Variants in WDR59 observed in about 807,000 individuals in gnomAD.
The protein encoded by WDR59 is GATOR2 complex protein WDR59.
A neutral mutation model predicts 131.2 loss-of-function variants in WDR59; 100 were observed. The ratio of observed to expected loss-of-function variants is 0.76; its 90% CI spans 0.65 to 0.90. WDR59 has a LOEUF of 0.90. Ranked by LOEUF, WDR59 falls within the 40% of genes least tolerant of loss-of-function variation. The pLI is 0.00. For missense variants in WDR59, 1,203 were observed against 1,262.2 expected, an observed-to-expected ratio of 0.95 and a Z score of 0.71; for synonymous variants, 601 against 466.2, an observed-to-expected ratio of 1.29 and a Z score of -3.72.
intron 20 of WDR59, 146 bp from the exon 21 acceptor site, chr16:74,889,961 G>GT (rs2144815303): frequency 1.7e-6 from 1 of 588,426 alleles, no homozygotes; most frequent in East Asian, 2.8e-5. Context: ...AAATGCATAA[G>GT]TTTAGGCCCC....
intron 21 of WDR59, among the ~76,000 whole-genome samples, chr16:74,888,705 G>T (rs896029928): frequency 2.0e-5 from 3 of 152,062 alleles, no homozygotes; most frequent in Admixed American, 1.3e-4. Context: ...GCTTTTGGGG[G>T]ATTCCCACAC....
intron 8 of WDR59, among the ~76,000 whole-genome samples, chr16:74,936,275 C>T (rs1440038439): frequency 6.6e-6 from 1 of 151,946 alleles, no homozygotes; most frequent in African/African-American, 2.4e-5. Context: ...TTGACCAAGG[C>T]TCTTCTGATA....
At chr16:74,943,115 G>A (rs997477870) in intron 6 of WDR59, among the ~76,000 whole-genome samples, 4 of 152,184 alleles carry the variant, frequency 2.6e-5, no homozygotes, top group African/African-American at 9.7e-5. Context: ...TTCTTACAGA[G>A]CAGTAGTTGA....
At position 74,956,456 on chromosome 16, in the gene WDR59, A is replaced by G. The variant is rs559308734; in HGVS notation, c.240+19T>C. 2 of 1,612,702 alleles carry G rather than the reference A, an allele frequency of 1.2e-6. No homozygotes were observed. Among genetic ancestry groups the G allele is most frequent in the South Asian group, 1.1e-5 (1 of 90,880 alleles). ...GACACATTTAACAGCATTCTCCTGTATTCCTTAAATAAGCTCACCGAAGCC... is the reference window on the plus strand; with the variant it reads ...GACACATTTAACAGCATTCTCCTGTGTTCCTTAAATAAGCTCACCGAAGCC... On this transcript the variant is annotated intron_variant, in intron 3 of 25. Transcript: ENST00000262144.
intron 2 of WDR59, among the ~76,000 whole-genome samples, chr16:74,958,800 C>T (rs903078602): frequency 6.6e-6 from 1 of 151,014 alleles, no homozygotes; most frequent in East Asian, 2.0e-4. Flanking sequence ...CAGTGGCCCA[C>T]GCCTATAATC....
At chr16:74,933,690 G>A (rs935496501) in intron 8 of WDR59, among the ~76,000 whole-genome samples, 3 of 152,098 alleles carry the variant, frequency 2.0e-5, no homozygotes, top group Admixed American at 1.3e-4. Flanking sequence ...AGGTTCAAGC[G>A]ATTCTCCTGC....
At chr16:74,875,522 C>T (rs1309341570) in intron 25 of WDR59, among the ~76,000 whole-genome samples, 2 of 151,768 alleles carry the variant, frequency 1.3e-5, no homozygotes, top group Non-Finnish European at 2.9e-5. Flanking sequence ...TCAATTTTCT[C>T]TCTACCCCAG....
chr16:74,896,131 G>T (rs1426212649), intron 18 of WDR59, among the ~76,000 whole-genome samples: 2 of 152,050 alleles, frequency 1.3e-5, no homozygotes, highest in Non-Finnish European at 2.9e-5. Context: ...ACCTAGAATG[G>T]AATATGATCC....
chr16:74,887,870 C>T (rs1964844580), intron 22 of WDR59, 115 bp from the exon 23 acceptor site: 5 of 1,115,092 alleles, frequency 4.5e-6, no homozygotes, highest in Admixed American at 2.1e-5. Flanking sequence ...GTAATCCTAG[C>T]AGTTTGGGAG....
intron 7 of WDR59, among the ~76,000 whole-genome samples, chr16:74,941,198 G>A (rs2032191864): frequency 6.6e-6 from 1 of 151,646 alleles, no homozygotes; most frequent in Non-Finnish European, 1.5e-5. Context: ...TTAATTGGCT[G>A]GGTGTGGTGG....
At chr16:74,917,638 G>A (rs951999494) in intron 11 of WDR59, among the ~76,000 whole-genome samples, 8 of 151,746 alleles carry the variant, frequency 5.3e-5, no homozygotes, top group African/African-American at 1.9e-4. Context: ...GTGAAACCCC[G>A]TCTCTACTAA....
At position 74,922,044 on chromosome 16, in the gene WDR59, A is replaced by T; in HGVS notation, c.789T>A (p.Leu263=). 6.2e-7 allele frequency: 1 copy of T among 1,614,208 alleles called. No homozygotes were observed. Among genetic ancestry groups the T allele is most frequent in the Non-Finnish European group, 8.5e-7 (1 of 1,180,042 alleles). Residue 263 remains leucine (L), a synonymous_variant, in exon 10 of 26, where the codon CTT becomes CTA. Transcript: ENST00000262144. Reference sequence around the variant, plus strand: ...TCAAGTCAAAGACATTCCACAGGAGAAGGCTGTTTTCCCTCCGCAGCTGGG... The same window carrying T: ...TCAAGTCAAAGACATTCCACAGGAGTAGGCTGTTTTCCCTCCGCAGCTGGG... ...MVPQLRRENS[L]LLWNVFDLNT...
At chr16:74,936,392 A>G (rs1350450729) in intron 8 of WDR59, among the ~76,000 whole-genome samples, 1 of 152,116 alleles carries the variant, frequency 6.6e-6, no homozygotes, top group Non-Finnish European at 1.5e-5. Flanking sequence ...TTTATTACCT[A>G]GGAAACCCCA....
Position 74,888,228 on chromosome 16 carries a change from T to C in WDR59, c.2287A>G (p.Asn763Asp), listed in dbSNP as rs1221189589. 1.2e-6 allele frequency: 2 copies of C among 1,613,998 alleles called. No homozygotes were observed. The highest frequency in any genetic ancestry group is 2.7e-5 in the African/African-American group (2 of 74,896). ...CGGTTAGGAAAAGGCCCAAAGGGGT[T>C]TGGTAGCCCCTGAGGCCGAGACTGG... ...EAQSRPQGLPNPFGPFPNRSS... is the reference protein window; with the variant it reads ...EAQSRPQGLPDPFGPFPNRSS... The change falls in exon 22 of 26, where the codon AAC becomes GAC. Residue 763 changes from asparagine to aspartate, a missense_variant. Transcript: ENST00000262144.
chr16:74,879,119 G>A lies in WDR59; in HGVS notation c.2690-4675C>T, dbSNP rs973065412. ...TGTAATCCCAGCACTTTGTGAGGCCGAGGTGGGGGTATCGCTTGAGCCCAG... is the reference window on the plus strand; with the variant it reads ...TGTAATCCCAGCACTTTGTGAGGCCAAGGTGGGGGTATCGCTTGAGCCCAG... On this transcript the variant is annotated intron_variant, in intron 25 of 25. Coordinates refer to ENST00000262144, the MANE Select transcript of WDR59 (RefSeq NM_030581.4). 7.2e-5 allele frequency among the ~76,000 whole-genome samples: 11 copies of A among 152,162 alleles called. No individual in the cohort carries two copies. In the East Asian group the frequency reaches 1.2e-3, roughly 16 times the overall value.
At chr16:74,884,684 C>A (rs1964669313) in intron 25 of WDR59, among the ~76,000 whole-genome samples, 2 of 152,124 alleles carry the variant, frequency 1.3e-5, no homozygotes, top group African/African-American at 2.4e-5. Flanking sequence ...CAAGCCCCTG[C>A]CTGATATAAC....
chr16:74,908,714 A>T, intron 17 of WDR59, 194 bp downstream of exon 17: 1 of 521,332 alleles, frequency 1.9e-6, no homozygotes, highest in Admixed American at 3.7e-5. Flanking sequence ...ATGGTTTGGT[A>T]ATAACCATAC....
chr16:74,970,495 CA>C (rs746574195), intron 1 of WDR59, among the ~76,000 whole-genome samples: 58 of 33,436 alleles, frequency 1.7e-3, no homozygotes, highest in African/African-American at 4.5e-3. Flanking sequence ...ACTCTGTCTC[CA>C]AAAAAAAAAA....
At chr16:74,888,742 A>G (rs1482846358) in intron 21 of WDR59, among the ~76,000 whole-genome samples, 1 of 152,108 alleles carries the variant, frequency 6.6e-6, no homozygotes. Context: ...CTAAAGCTAC[A>G]TGAAGGAGCT....
Sources: gnomAD v4.1 joint callset for allele counts (sites outside exome capture counted in the v4.1 genomes callset) on GRCh38, gnomAD v4.1.1 for gene constraint, MANE v1.5 for transcripts, NCBI Gene and HGNC (gene_info 2026-07-23, HGNC 2026-07-21) for gene names.